Variants in PGLYRP3 observed in about 807,000 individuals in gnomAD.
PGLYRP3 encodes the protein peptidoglycan recognition protein 3.
In PGLYRP3, 39 loss-of-function variants were observed where a neutral mutation model predicts 36.0. The ratio of observed to expected loss-of-function variants is 1.08; its 90% CI spans 0.84 to 1.41. The LOEUF is 1.41. Ranked by LOEUF, PGLYRP3 falls within the 40% of genes most tolerant of loss-of-function variation. The pLI is 0.00. For missense variants in PGLYRP3, 407 were observed against 427.9 expected (o/e 0.95, Z 0.43); for synonymous variants, 204 against 172.8 (o/e 1.18, Z -1.42).
Position 153,307,402 on chromosome 1 carries a change from A to G in PGLYRP3, c.56-135T>C, listed in dbSNP as rs1034146729. 2.7e-5 allele frequency: 21 copies of G among 778,048 alleles called. No individual in the cohort carries two copies. The African/African-American group carries it at 2.8e-4, about 10-fold the overall frequency. The allele number at this position is 778,048 out of a possible 1,614,324, so 48.2% of individuals were successfully genotyped here. A position where few individuals can be genotyped will look rare whatever the true frequency, so the allele number is the denominator to read the frequency against. ...GGGAGACACCCTGGGGGAGCCCTTC[A>G]CCACCAAAGCCCCCTCCTTCTCTCC... On this transcript the variant is annotated intron_variant, in intron 2 of 7. Transcript: ENST00000683862.
At chr1:153,307,021 C>T in intron 3 of PGLYRP3, 45 bp downstream of exon 3, 2 of 1,589,910 alleles carry the variant, frequency 1.3e-6, no homozygotes, top group Non-Finnish European at 1.7e-6. Context: ...GGAAGCACCC[C>T]CGTGACTTTG....
chr1:153,304,684 G>A lies in PGLYRP3; in HGVS notation c.376+263C>T, dbSNP rs533421856. Among the ~76,000 whole-genome samples, 43 of 152,302 alleles carry A rather than the reference G, an allele frequency of 2.8e-4. No individual in the cohort carries two copies. In the South Asian group the frequency reaches 3.9e-3, roughly 14 times the overall value. ...CTATGTCAGACAACCTCAGACTTTAGAAGTGACAGCAATAACCGTGAGCTC... is the reference window on the plus strand; with the variant it reads ...CTATGTCAGACAACCTCAGACTTTAAAAGTGACAGCAATAACCGTGAGCTC... On this transcript the variant is annotated intron_variant, in intron 4 of 7. Transcript: ENST00000683862.
At position 153,309,999 on chromosome 1, in the gene PGLYRP3, T is replaced by C. The variant is rs533291715; in HGVS notation, c.55+612A>G. Among the ~76,000 whole-genome samples the C allele has an allele frequency of 1.8e-4, 27 of 152,314 alleles. No homozygotes were observed. In the East Asian group the frequency reaches 5.0e-3, roughly 28 times the overall value. ...GAGAAAGCTATATTACATTTTTCCT[T>C]CCGAAGGGGGTCTGTGTATGTAAAA... On this transcript the variant is annotated intron_variant, in intron 2 of 7. Transcript: ENST00000683862.
Position 153,302,498 on chromosome 1 carries a change from G to C in PGLYRP3, c.639C>G (p.Ser213Arg). The C allele has an allele frequency of 6.2e-7, 1 of 1,614,252 alleles. No homozygotes were observed. The highest frequency in any genetic ancestry group is 2.2e-5 in the East Asian group (1 of 44,880). The change falls in exon 6 of 8, where the codon AGC becomes AGG. Residue 213 changes from serine to arginine, a missense_variant. By Grantham distance (110) the Ser-to-Arg change is moderately radical. Transcript: ENST00000683862. ...TCTGGCAGTCTGTGGATACAGTGCA[G>C]CTTGTGCCAGCGGTGTGGATGATGA... ...YVIIIHTAGTSCTVSTDCQTV... is the reference protein window; with the variant it reads ...YVIIIHTAGTRCTVSTDCQTV...
At chr1:153,307,973 C>G (rs1162332898) in intron 2 of PGLYRP3, among the ~76,000 whole-genome samples, 4 of 150,564 alleles carry the variant, frequency 2.7e-5, no homozygotes, top group African/African-American at 9.8e-5. Context: ...TGTCTTTTCT[C>G]TCTGGGTTTT....
chr1:153,307,014 A>G, intron 3 of PGLYRP3, 52 bp downstream of exon 3: 1 of 1,561,804 alleles, frequency 6.4e-7, no homozygotes, highest in Non-Finnish European at 8.8e-7. Flanking sequence ...GGAAGTGGGA[A>G]GCACCCCCGT....
chr1:153,308,599 G>A (rs1206900242), intron 2 of PGLYRP3, among the ~76,000 whole-genome samples: 2 of 152,196 alleles, frequency 1.3e-5, no homozygotes, highest in East Asian at 3.9e-4. Context: ...TCTCACTCCA[G>A]GAGAACTGTG....
chr1:153,298,126 G>C lies in PGLYRP3; in HGVS notation c.856C>G (p.Pro286Ala). ...GCCGCCTCCAGCGCTGCAGCATTTG[G>C]AGGCTTTTCTGCAAAACACATTTTC... Reference protein sequence around the residue: ...AFIGYFVEKPPNAAALEAAQD... With the variant: ...AFIGYFVEKPANAAALEAAQD... The change falls in exon 8 of 8, where the codon CCA (proline) becomes GCA (alanine). Residue 286 changes from proline (P) to alanine (A), a missense_variant. Pro to Ala is a conservative substitution (Grantham distance 27). Coordinates refer to ENST00000683862, the MANE Select transcript of PGLYRP3 (RefSeq NM_052891.3). The C allele has an allele frequency of 1.2e-6, 2 of 1,613,696 alleles. No individual in the cohort carries two copies. The highest frequency in any genetic ancestry group is 1.7e-6 in the Non-Finnish European group (2 of 1,179,908).
In PGLYRP3 at chr1:153,297,650, G is replaced by C. The variant is rs145854324; in HGVS notation, c.*306C>G. 4.0e-4 allele frequency among the ~76,000 whole-genome samples: 61 copies of C among 151,962 alleles called. No homozygotes were observed. Among genetic ancestry groups the C allele is most frequent in the South Asian group, 2.3e-3 (11 of 4,808 alleles). On this transcript the variant is annotated 3_prime_UTR_variant, in exon 8 of 8. Transcript: ENST00000683862. ...AAGAAGAGGAGACAGGGGTTGGGGGGAGAGAGAGAGAAATGCCACAAGGAC... is the reference window on the plus strand; with the variant it reads ...AAGAAGAGGAGACAGGGGTTGGGGGCAGAGAGAGAGAAATGCCACAAGGAC...
At chr1:153,298,376 C>A (rs1475877277) in intron 7 of PGLYRP3, among the ~76,000 whole-genome samples, 1 of 152,122 alleles carries the variant, frequency 6.6e-6, no homozygotes, top group Non-Finnish European at 1.5e-5. Flanking sequence ...GTGGAGGGGG[C>A]CAGGTGCAGT....
chr1:153,299,066 TG>T, intron 7 of PGLYRP3, 46 bp downstream of exon 7: 1 of 1,479,386 alleles, frequency 6.8e-7, no homozygotes, highest in Non-Finnish European at 9.5e-7. Context: ...ACATGCTGCA[TG>T]GTCCTTCAAC....
At chr1:153,311,147 G>C (rs114161126) in intron 1 of PGLYRP3, among the ~76,000 whole-genome samples, 2,469 of 152,108 alleles carry the variant, frequency 0.016, 69 homozygotes, top group African/African-American at 0.056. Context: ...AAGCAGGCTT[G>C]GCTTCGCCCC....
In PGLYRP3 at chr1:153,297,984, A is replaced by C; in HGVS notation, c.998T>G (p.Ile333Ser). ...GTGCTTGAAATGAGGCCAGGTGCTG[A>C]TGATGTTATACAAAGCCTGCCCAGG... ...LSPGQALYNI[I>S]STWPHFKH The change falls in exon 8 of 8, where the codon ATC becomes AGC. Residue 333 changes from isoleucine (I) to serine (S), a missense_variant. Ile to Ser is a moderately radical substitution (Grantham distance 142). Transcript: ENST00000683862. The C allele has an allele frequency of 6.2e-7, 1 of 1,613,806 alleles. No individual in the cohort carries two copies. The highest frequency in any genetic ancestry group is 8.5e-7 in the Non-Finnish European group (1 of 1,179,934).
At chr1:153,302,214 C>T (rs1478906942) in intron 6 of PGLYRP3, among the ~76,000 whole-genome samples, 195 bp downstream of exon 6, 3 of 152,194 alleles carry the variant, frequency 2.0e-5, no homozygotes, top group Admixed American at 1.3e-4. Context: ...TGTGGAGATA[C>T]GTCCAAGCGA....
intron 4 of PGLYRP3, among the ~76,000 whole-genome samples, chr1:153,304,412 A>G (rs1324206226): frequency 6.6e-6 from 1 of 152,220 alleles, no homozygotes; most frequent in Admixed American, 6.5e-5. Context: ...ACTCTCACAG[A>G]AAACCTCTGA....
chr1:153,299,019 G>A lies in PGLYRP3; in HGVS notation c.847+94C>T, dbSNP rs79859230. On this transcript the variant is annotated intron_variant, in intron 7 of 7. Transcript: ENST00000683862. ...CTAAAATGTTCCATTCACACTGCCA[G>A]GCACTACAGGGCTGCCTTTCCCGCC... The A allele has an allele frequency of 1.5e-3, 1,441 of 952,550 alleles. 21 individuals carry two copies. The African/African-American group carries it at 0.021, about 14-fold the overall frequency. The allele number at this position is 952,550 out of a possible 1,614,324, so 59.0% of individuals were successfully genotyped here.
chr1:153,298,262 C>G, intron 7 of PGLYRP3, 128 bp from the exon 8 acceptor site: 3 of 1,014,020 alleles, frequency 3.0e-6, no homozygotes, highest in Non-Finnish European at 4.4e-6. Context: ...CCATAGCCAA[C>G]ACATTTACGT....
At chr1:153,306,704 G>A (rs1033861537) in intron 3 of PGLYRP3, among the ~76,000 whole-genome samples, 13 of 152,150 alleles carry the variant, frequency 8.5e-5, no homozygotes, top group Non-Finnish European at 1.8e-4. Context: ...TAGGAATATG[G>A]GTAGGAACCC....
chr1:153,312,517 G>A (rs761502621), intron 1 of PGLYRP3, among the ~76,000 whole-genome samples, 126 bp downstream of exon 1: 4 of 151,926 alleles, frequency 2.6e-5, no homozygotes, highest in African/African-American at 4.8e-5. Context: ...TCCAAAAAAC[G>A]AGATCAGGGG....
Sources: gnomAD v4.1 joint callset for allele counts (sites outside exome capture counted in the v4.1 genomes callset) on GRCh38, gnomAD v4.1.1 for gene constraint, MANE v1.5 for transcripts, NCBI Gene and HGNC (gene_info 2026-07-23, HGNC 2026-07-21) for gene names.